The following LARGE1 variants were observed in gnomAD, a reference collection of about 807,000 sequenced individuals.
LARGE1 encodes LARGE xylosyl- and glucuronyltransferase 1.
A neutral mutation model predicts 87.6 loss-of-function variants in LARGE1; 43 were observed. The ratio of observed to expected loss-of-function variants is 0.49; its 90% CI spans 0.38 to 0.63. The LOEUF is 0.63. Among genes scored for constraint, LARGE1 ranks in the 30% least tolerant of loss-of-function variants. The pLI is 0.00. For synonymous variants in LARGE1, 434 were observed against 394.6 expected (o/e 1.10, Z -1.18); for missense variants, 802 against 1,000.2 (o/e 0.80, Z 2.67).
chr22:33,141,181 C>G, the LARGE1 span, among the ~76,000 whole-genome samples: 75 of 142,726 alleles, frequency 5.3e-4, no homozygotes, highest in South Asian at 6.8e-3. Flanking sequence ...CTCTCTCTCT[C>G]TCTCTCTCTC....
intron 1 of LARGE1, among the ~76,000 whole-genome samples, chr22:33,894,118 G>C (rs569994499): frequency 2.6e-5 from 4 of 152,034 alleles, no homozygotes; most frequent in African/African-American, 9.6e-5. Flanking sequence ...CCTCTAGATG[G>C]GGAGAGAGGT....
At position 33,611,553 on chromosome 22, in the gene LARGE1, T is replaced by C. The variant is rs901141303; in HGVS notation, c.492-6995A>G. 2.6e-5 allele frequency among the ~76,000 whole-genome samples: 4 copies of C among 152,308 alleles called. No homozygotes were observed. The South Asian group carries it at 8.3e-4, about 32-fold the overall frequency. On this transcript the variant is annotated intron_variant, in intron 4 of 14. Coordinates refer to ENST00000397394, the MANE Select transcript of LARGE1 (RefSeq NM_133642.5). ...ACCACCATTGCATCTTGGAAGTAAATACTGCGTTTTGATTTTACAGGCTCA... is the reference window on the plus strand; with the variant it reads ...ACCACCATTGCATCTTGGAAGTAAACACTGCGTTTTGATTTTACAGGCTCA...
intron 4 of LARGE1, among the ~76,000 whole-genome samples, chr22:33,626,031 G>T (rs1339204497): frequency 6.6e-6 from 1 of 152,200 alleles, no homozygotes; most frequent in Non-Finnish European, 1.5e-5. Context: ...AGGTCTGAGA[G>T]TTACAATTCT....
chr22:33,681,549 AC>A (rs1244931886), intron 2 of LARGE1, among the ~76,000 whole-genome samples: 1 of 152,224 alleles, frequency 6.6e-6, no homozygotes, highest in East Asian at 1.9e-4. Flanking sequence ...TCAGAACAGT[AC>A]CTGGCACATG....
chr22:33,534,570 C>A (rs1326025394), intron 6 of LARGE1, among the ~76,000 whole-genome samples: 1 of 152,220 alleles, frequency 6.6e-6, no homozygotes, highest in African/African-American at 2.4e-5. Flanking sequence ...TGACCTGTCA[C>A]ACAAATGGCG....
At chr22:33,638,127 C>T (rs1486609388) in intron 3 of LARGE1, among the ~76,000 whole-genome samples, 1 of 152,160 alleles carries the variant, frequency 6.6e-6, no homozygotes, top group Non-Finnish European at 1.5e-5. Flanking sequence ...ATGATAGTAT[C>T]CTCCAACAGC....
At chr22:33,124,328 GAAAGAGAC>G in the LARGE1 span, among the ~76,000 whole-genome samples, 106 of 144,176 alleles carry the variant, frequency 7.4e-4, no homozygotes, top group African/African-American at 2.4e-3. Flanking sequence ...CAGAAAGGGA[GAAAGAGAC>G]AAAGAGACAA....
At chr22:33,177,956 C>T (rs536279466) in intron 11 of LARGE1, among the ~76,000 whole-genome samples, 2 of 152,170 alleles carry the variant, frequency 1.3e-5, no homozygotes, top group Non-Finnish European at 2.9e-5. Flanking sequence ...TTCACTCTCT[C>T]TGTCTCCTGC....
chr22:33,616,073 T>C lies in LARGE1; in HGVS notation c.491+10171A>G, dbSNP rs555333094. 2.6e-5 allele frequency among the ~76,000 whole-genome samples: 4 copies of C among 152,226 alleles called. No homozygotes were observed. The South Asian group carries it at 6.2e-4, about 24-fold the overall frequency. On this transcript the variant is annotated intron_variant, in intron 4 of 14. Coordinates refer to ENST00000397394, the MANE Select transcript of LARGE1 (RefSeq NM_133642.5). ...AATGGTTACCGGTGGAACTGTAAAA[T>C]GAAGCAGCTGGTAGGAGAAACAGTT...
At chr22:33,076,893 G>A in the LARGE1 span, among the ~76,000 whole-genome samples, 18 of 152,166 alleles carry the variant, frequency 1.2e-4, no homozygotes, top group African/African-American at 4.3e-4. Flanking sequence ...AATAAATTCA[G>A]TCACAGTGCT....
chr22:33,536,186 G>A (rs532604973), intron 6 of LARGE1, among the ~76,000 whole-genome samples: 5 of 152,300 alleles, frequency 3.3e-5, no homozygotes, highest in East Asian at 1.9e-4. Context: ...TGGTAGAGAC[G>A]AGACTATTTG....
chr22:33,427,330 G>A (rs781357476), intron 7 of LARGE1, among the ~76,000 whole-genome samples: 3 of 152,166 alleles, frequency 2.0e-5, no homozygotes, highest in East Asian at 1.9e-4. Context: ...CCGAAGCTGC[G>A]GTGGCTCAGT....
the LARGE1 span, among the ~76,000 whole-genome samples, chr22:33,068,361 T>TGGGGCC: frequency 6.6e-6 from 1 of 152,138 alleles, no homozygotes; most frequent in South Asian, 2.1e-4. Flanking sequence ...CAGACAGAGT[T>TGGGGCC]GGGGCCGGGC....
chr22:33,744,678 C>T (rs1319963259), intron 2 of LARGE1, among the ~76,000 whole-genome samples: 1 of 151,990 alleles, frequency 6.6e-6, no homozygotes, highest in Non-Finnish European at 1.5e-5. Flanking sequence ...GCCACGCTCA[C>T]GCCCTGGAAA....
intron 1 of LARGE1, among the ~76,000 whole-genome samples, chr22:33,781,755 G>A (rs1054635650): frequency 6.6e-6 from 1 of 152,226 alleles, no homozygotes; most frequent in Admixed American, 6.5e-5. Flanking sequence ...GTAAGTGACC[G>A]CATTAGTCCA....
chr22:33,594,832 C>G (rs755083638), intron 5 of LARGE1, among the ~76,000 whole-genome samples: 1 of 152,278 alleles, frequency 6.6e-6, no homozygotes, highest in African/African-American at 2.4e-5. Flanking sequence ...GTCTCGAACT[C>G]CTGACCTTAG....
At chr22:33,300,518 G>C (rs1256320828) in intron 12 of LARGE1, among the ~76,000 whole-genome samples, 2 of 152,126 alleles carry the variant, frequency 1.3e-5, no homozygotes, top group Admixed American at 1.3e-4. Context: ...TGAAACAACA[G>C]GCATGTTCCA....
chr22:33,493,319 T>G (rs888138256), intron 6 of LARGE1, among the ~76,000 whole-genome samples: 1 of 151,676 alleles, frequency 6.6e-6, no homozygotes, highest in Non-Finnish European at 1.5e-5. Flanking sequence ...CGCCACTATG[T>G]CCAGCTAATT....
At chr22:33,170,561 A>T (rs1922512395) in intron 11 of LARGE1, among the ~76,000 whole-genome samples, 1 of 152,036 alleles carries the variant, frequency 6.6e-6, no homozygotes, top group African/African-American at 2.4e-5. Flanking sequence ...TGAGGGAGAT[A>T]TCATAAGATC....
Sources: allele counts gnomAD v4.1 joint callset (sites outside exome capture counted in the v4.1 genomes callset), GRCh38; gene constraint gnomAD v4.1.1; transcripts MANE v1.5; gene names NCBI Gene and HGNC (gene_info 2026-07-23, HGNC 2026-07-21).